The following PKD1L1 variants were observed in gnomAD, a reference collection of about 807,000 sequenced individuals.
The protein encoded by PKD1L1 is polycystin-1-like protein 1.
PKD1L1 carries 236 observed loss-of-function variants against 323.4 expected under a neutral mutation model. The observed-to-expected ratio is 0.73, with a 90% CI of 0.66 to 0.81. The LOEUF is 0.81. Among genes scored for constraint, PKD1L1 ranks in the 40% least tolerant of loss-of-function variants. The pLI, the probability that PKD1L1 is intolerant of heterozygous loss-of-function variation, is 0.00. For synonymous variants in PKD1L1, 1,344 were observed against 1,335.0 expected, an observed-to-expected ratio of 1.01 and a Z score of -0.15; for missense variants, 3,320 against 3,508.0, an observed-to-expected ratio of 0.95 and a Z score of 1.35.
At chr7:47,937,960 GA>G (rs1438180559) in intron 3 of PKD1L1, among the ~76,000 whole-genome samples, 1 of 152,138 alleles carries the variant, frequency 6.6e-6, no homozygotes, top group African/African-American at 2.4e-5. Context: ...GGCACAGGAG[GA>G]GGGGGGACAC....
intron 19 of PKD1L1, among the ~76,000 whole-genome samples, chr7:47,883,862 A>G (rs1786619681): frequency 6.6e-6 from 1 of 152,258 alleles, no homozygotes; most frequent in East Asian, 1.9e-4. Context: ...TGACAGATAA[A>G]TCATTCACTA....
the PKD1L1 span, among the ~76,000 whole-genome samples, chr7:47,956,485 TGGCACTACACG>T: frequency 6.6e-6 from 1 of 152,174 alleles, no homozygotes; most frequent in African/African-American, 2.4e-5. Context: ...GGGCACCATT[TGGCACTACACG>T]GGCTGTAGCG....
chr7:47,932,029 G>T lies in PKD1L1; in HGVS notation c.426C>A (p.Ile142=), dbSNP rs885338. ...GGCCACCACTGCTCCAGGCCCTTGCGATTATAATGAAAGGTTTGTGGGGAA... is the reference window on the plus strand; with the variant it reads ...GGCCACCACTGCTCCAGGCCCTTGCTATTATAATGAAAGGTTTGTGGGGAA... ...DRIPHKPFII[I]ARAWSSGGPR... is the part of the protein sequence containing the mutation. Residue 142 remains isoleucine (I), a synonymous_variant, in exon 5 of 57, where the codon ATC becomes ATA. Coordinates refer to ENST00000289672, the MANE Select transcript of PKD1L1 (RefSeq NM_138295.5). 3.7e-6 allele frequency: 6 copies of T among 1,612,106 alleles called. 1 individual carries two copies. The South Asian group carries it at 5.5e-5, about 15-fold the overall frequency.
chr7:47,881,939 G>C lies in PKD1L1; in HGVS notation c.3412C>G (p.Arg1138Gly), dbSNP rs372187137. 6.2e-7 allele frequency: 1 copy of C among 1,605,186 alleles called. No homozygotes were observed. Among genetic ancestry groups the C allele is most frequent in the Non-Finnish European group, 8.5e-7 (1 of 1,177,408 alleles). Reference sequence around the variant, plus strand: ...GATGAATAGCCTTGGAAAACTGCTCGACCCAGCAGGGCCTTGGGCCAGTCA... The same window carrying C: ...GATGAATAGCCTTGGAAAACTGCTCCACCCAGCAGGGCCTTGGGCCAGTCA... ...MIDWPKALLG[R>G]AVFQGYSSSG... Residue 1138 changes from arginine to glycine, a missense_variant, in exon 20 of 57, where the codon CGA becomes GGA. By Grantham distance (125) the Arg-to-Gly change is moderately radical. Transcript: ENST00000289672.
chr7:47,836,275 C>T (rs948167680), intron 37 of PKD1L1, among the ~76,000 whole-genome samples: 5 of 152,178 alleles, frequency 3.3e-5, no homozygotes, highest in African/African-American at 1.2e-4. Flanking sequence ...ACCTCGGAAA[C>T]GGACCTTGTC....
At chr7:47,883,205 C>T (rs1326064828) in intron 19 of PKD1L1, among the ~76,000 whole-genome samples, 1 of 152,124 alleles carries the variant, frequency 6.6e-6, no homozygotes, top group Non-Finnish European at 1.5e-5. Context: ...TACTGAAGAA[C>T]AAAATGAAAC....
rs1786534799 is a variant in PKD1L1, at chr7:47,774,944, G to A, written c.*199C>T. On this transcript the variant is annotated 3_prime_UTR_variant, in exon 57 of 57. Coordinates refer to ENST00000289672, the MANE Select transcript of PKD1L1 (RefSeq NM_138295.5). The stretch of plus-strand genomic sequence containing the variant: ...TCTGAACTCTCCGAATGGTGATTAT[G>A]AGTAACAGTCTGATGACAGATAAAC... 4.8e-6 allele frequency: 3 copies of A among 622,718 alleles called. No homozygotes were observed. The highest frequency in any genetic ancestry group is 8.7e-6 in the Non-Finnish European group (3 of 345,810). 38.6% of individuals were successfully genotyped at this position (622,718 alleles called of 1,614,324 possible).
intron 56 of PKD1L1, among the ~76,000 whole-genome samples, chr7:47,777,379 G>C (rs1786593529): frequency 6.6e-6 from 1 of 152,134 alleles, no homozygotes; most frequent in African/African-American, 2.4e-5. Context: ...TTCATCTTTG[G>C]ATGTGATCCC....
chr7:47,801,375 G>A (rs978692086), intron 53 of PKD1L1, among the ~76,000 whole-genome samples: 24 of 152,176 alleles, frequency 1.6e-4, no homozygotes, highest in African/African-American at 3.9e-4. Flanking sequence ...CCTGGTTGTC[G>A]TAACAGACTG....
chr7:47,905,335 A>G lies in PKD1L1; in HGVS notation c.1523-10T>C. On this transcript the variant is annotated splice_polypyrimidine_tract_variant and intron_variant, in intron 10 of 56. Coordinates refer to ENST00000289672, the MANE Select transcript of PKD1L1 (RefSeq NM_138295.5). ...GTGTAGACAGAGACGGCTGTGGCAA[A>G]AGAAAGGAAGGTATGTCTATGTCAA... is the stretch of plus-strand genomic sequence containing the variant. 6.2e-7 allele frequency: 1 copy of G among 1,612,932 alleles called. No individual in the cohort carries two copies. Among genetic ancestry groups the G allele is most frequent in the Non-Finnish European group, 8.5e-7 (1 of 1,179,516 alleles).
At chr7:47,851,306 T>C (rs1785778412) in intron 31 of PKD1L1, among the ~76,000 whole-genome samples, 1 of 152,172 alleles carries the variant, frequency 6.6e-6, no homozygotes, top group African/African-American at 2.4e-5. Flanking sequence ...TGTGATGTCA[T>C]GTCAAGAAAA....
rs754774704 is a variant in PKD1L1 at position 47,929,476 on chromosome 7, G to A, written c.788C>T (p.Ser263Leu). The change falls in exon 7 of 57, where the codon TCG becomes TTG. Residue 263 changes from serine to leucine, a missense_variant. Physicochemically the swap from Ser to Leu is moderately radical, Grantham distance 145. Transcript: ENST00000289672. ...ATAGAGGATCTCAGAACCAGACTGCGATGCCGTGAAGCTGGGGGTGCGAGG... is the reference window on the plus strand; with the variant it reads ...ATAGAGGATCTCAGAACCAGACTGCAATGCCGTGAAGCTGGGGGTGCGAGG... ...GIPRTPSFTA[S>L]QSGSEILYPP... 8.7e-6 allele frequency: 14 copies of A among 1,614,012 alleles called. No individual in the cohort carries two copies. The highest frequency in any genetic ancestry group is 5.3e-5 in the African/African-American group (4 of 74,930).
intron 21 of PKD1L1, among the ~76,000 whole-genome samples, chr7:47,880,271 TATA>T (rs1786516546): frequency 3.8e-5 from 3 of 78,040 alleles, no homozygotes; most frequent in African/African-American, 1.9e-4. Context: ...TATACATATA[TATA>T]TATATATATA....
At chr7:47,819,635 G>A (rs1340742924) in intron 46 of PKD1L1, 2 of 1,220,488 alleles carry the variant, frequency 1.6e-6, no homozygotes, top group Admixed American at 2.3e-5. Context: ...CTATTACAAT[G>A]CTCAGCAGAA....
intron 7 of PKD1L1, among the ~76,000 whole-genome samples, chr7:47,920,150 A>G (rs952058334): frequency 6.6e-6 from 1 of 152,196 alleles, no homozygotes; most frequent in African/African-American, 2.4e-5. Context: ...GAATTGATAA[A>G]AGAATGCAGC....
chr7:47,863,678 C>A (rs1280336733), intron 26 of PKD1L1, among the ~76,000 whole-genome samples: 2 of 152,088 alleles, frequency 1.3e-5, no homozygotes, highest in Non-Finnish European at 2.9e-5. Flanking sequence ...GTGACTTTGG[C>A]AGGAGCAGCG....
At chr7:47,857,933 T>C (rs1785942044) in intron 27 of PKD1L1, 101 bp from the exon 28 acceptor site, 2 of 1,152,612 alleles carry the variant, frequency 1.7e-6, no homozygotes, top group Admixed American at 2.2e-5. Flanking sequence ...AAAAAGCCCA[T>C]CTCAAGTTAG....
At position 47,799,489 on chromosome 7, in the gene PKD1L1, G is replaced by A. The variant is rs543287332; in HGVS notation, c.8193+1160C>T. On this transcript the variant is annotated intron_variant, in intron 54 of 56. Transcript: ENST00000289672. ...TTGCAGTGGGCTCTACAATGTGTCA[G>A]GAACTACTACCCTAGAAGGCAGGCA... 2.4e-4 allele frequency among the ~76,000 whole-genome samples: 37 copies of A among 152,272 alleles called. No homozygotes were observed. In the South Asian group the frequency reaches 7.5e-3, roughly 31 times the overall value.
chr7:47,783,942 C>T (rs1786751870), intron 56 of PKD1L1, among the ~76,000 whole-genome samples: 1 of 152,130 alleles, frequency 6.6e-6, no homozygotes, highest in African/African-American at 2.4e-5. Context: ...TATTTTAGTC[C>T]TTGAGAATTC....
Sources: allele counts gnomAD v4.1 joint callset (sites outside exome capture counted in the v4.1 genomes callset), GRCh38; gene constraint gnomAD v4.1.1; transcripts MANE v1.5; gene names NCBI Gene and HGNC (gene_info 2026-07-23, HGNC 2026-07-21).